The following SYN3 variants were observed in gnomAD, a reference collection of about 807,000 sequenced individuals.
SYN3 encodes the protein synapsin-3.
SYN3 carries 35 observed loss-of-function variants against 65.8 expected under a neutral mutation model. The observed-to-expected ratio is 0.53, with a 90% confidence interval of 0.41 to 0.70. The LOEUF (loss-of-function observed/expected upper bound fraction) is 0.70. Among genes scored for constraint, SYN3 ranks in the 30% least tolerant of loss-of-function variants. The probability of loss-of-function intolerance (pLI) is 0.00; values close to 1 mark genes in which losing one functional copy is unlikely to be tolerated. For missense variants in SYN3, 680 were observed against 749.0 expected, an observed-to-expected ratio of 0.91 and a Z score of 1.08; for synonymous variants, 270 against 292.9, an observed-to-expected ratio of 0.92 and a Z score of 0.80.
intron 6 of SYN3, among the ~76,000 whole-genome samples, chr22:32,748,518 T>C (rs957790833): frequency 1.3e-5 from 2 of 152,218 alleles, no homozygotes; most frequent in African/African-American, 2.4e-5. Flanking sequence ...CAGTAAAAAG[T>C]TGATCTTCCC....
chr22:32,565,856 G>A (rs767251051), intron 7 of SYN3, among the ~76,000 whole-genome samples: 1 of 151,968 alleles, frequency 6.6e-6, no homozygotes, highest in Non-Finnish European at 1.5e-5. Flanking sequence ...GCGACTACAG[G>A]CACCCACCAC....
intron 4 of SYN3, among the ~76,000 whole-genome samples, chr22:32,918,597 GA>G (rs56770301): frequency 0.092 from 14,039 of 152,082 alleles, 1,266 homozygotes; most frequent in East Asian, 0.43. Context: ...ATGTTTGAAG[GA>G]AAAAAAATGC....
chr22:32,934,258 CAG>C (rs1477042349), intron 3 of SYN3, among the ~76,000 whole-genome samples: 4 of 152,122 alleles, frequency 2.6e-5, no homozygotes, highest in Non-Finnish European at 5.9e-5. Flanking sequence ...GGGAGTGAAA[CAG>C]AATCTTGGAA....
At chr22:32,567,936 C>A (rs528272433) in intron 7 of SYN3, among the ~76,000 whole-genome samples, 1 of 152,308 alleles carries the variant, frequency 6.6e-6, no homozygotes, top group East Asian at 1.9e-4. Flanking sequence ...AGAGCCATGG[C>A]CATTTTATGC....
At chr22:33,036,993 G>C (rs1163871397) in intron 1 of SYN3, among the ~76,000 whole-genome samples, 2 of 152,070 alleles carry the variant, frequency 1.3e-5, no homozygotes. Context: ...GCCCGGCCAA[G>C]CCCAAGTTCC....
At chr22:33,057,203 T>C (rs903998348) in intron 1 of SYN3, among the ~76,000 whole-genome samples, 3 of 152,170 alleles carry the variant, frequency 2.0e-5, no homozygotes, top group Admixed American at 6.5e-5. Flanking sequence ...TCCCCAGAGC[T>C]GCCAGAGGGA....
At chr22:32,665,087 C>T (rs1175109303) in intron 6 of SYN3, among the ~76,000 whole-genome samples, 2 of 148,860 alleles carry the variant, frequency 1.3e-5, no homozygotes, top group African/African-American at 5.0e-5. Context: ...CAACCTCTGC[C>T]TCCTGGTTCA....
intron 6 of SYN3, among the ~76,000 whole-genome samples, chr22:32,685,559 C>A (rs951588047): frequency 2.0e-5 from 3 of 152,136 alleles, no homozygotes; most frequent in African/African-American, 7.2e-5. Flanking sequence ...GGTACCACTG[C>A]CTGCAGTATT....
chr22:33,017,380 C>T (rs185350763), intron 1 of SYN3, among the ~76,000 whole-genome samples: 1 of 152,196 alleles, frequency 6.6e-6, no homozygotes, highest in African/African-American at 2.4e-5. Context: ...TTTTGTGGTT[C>T]TATACAAATT....
At chr22:33,053,887 G>A (rs955142681) in intron 1 of SYN3, among the ~76,000 whole-genome samples, 4 of 152,158 alleles carry the variant, frequency 2.6e-5, no homozygotes, top group African/African-American at 7.2e-5. Flanking sequence ...TGCCTGCCAC[G>A]TGTGAATACT....
chr22:32,621,211 T>C (rs990982990), intron 6 of SYN3, among the ~76,000 whole-genome samples: 1 of 152,022 alleles, frequency 6.6e-6, no homozygotes, highest in Non-Finnish European at 1.5e-5. Context: ...CCACTTGTGT[T>C]AAATGATGGT....
At chr22:32,857,125 G>A (rs2048391437) in intron 6 of SYN3, 1 of 762,958 alleles carries the variant, frequency 1.3e-6, no homozygotes, top group East Asian at 2.6e-5. Context: ...CAACATGAGA[G>A]TGCAGACCCC....
At chr22:32,732,839 C>G (rs1168226839) in intron 6 of SYN3, among the ~76,000 whole-genome samples, 1 of 152,154 alleles carries the variant, frequency 6.6e-6, no homozygotes, top group Non-Finnish European at 1.5e-5. Context: ...AGGCAATGCA[C>G]TGGGGGTTTT....
At chr22:32,723,898 T>C (rs1442885754) in intron 6 of SYN3, among the ~76,000 whole-genome samples, 1 of 152,194 alleles carries the variant, frequency 6.6e-6, no homozygotes, top group African/African-American at 2.4e-5. Flanking sequence ...AACCTAGCCC[T>C]GGTGCTGCTG....
At chr22:32,909,561 G>A (rs557741184) in intron 4 of SYN3, among the ~76,000 whole-genome samples, 35 of 152,218 alleles carry the variant, frequency 2.3e-4, no homozygotes, top group African/African-American at 7.9e-4. Flanking sequence ...AATAAACAAC[G>A]TCTTCATCCA....
chr22:32,888,548 T>C (rs2049356312), intron 4 of SYN3, among the ~76,000 whole-genome samples: 1 of 152,222 alleles, frequency 6.6e-6, no homozygotes, highest in African/African-American at 2.4e-5. Flanking sequence ...TTATAATTTG[T>C]ATTTTCATTT....
At chr22:32,983,493 A>C (rs924035454) in intron 2 of SYN3, among the ~76,000 whole-genome samples, 6 of 152,214 alleles carry the variant, frequency 3.9e-5, no homozygotes, top group African/African-American at 1.4e-4. Flanking sequence ...ATCTCTTCCC[A>C]AAACTGACTG....
At chr22:32,674,116 C>G (rs2060408925) in intron 6 of SYN3, among the ~76,000 whole-genome samples, 1 of 151,710 alleles carries the variant, frequency 6.6e-6, no homozygotes, top group South Asian at 2.1e-4. Context: ...TGGAGGGCAG[C>G]CTAGATATGG....
At chr22:32,762,027 G>C (rs1056551858) in intron 6 of SYN3, among the ~76,000 whole-genome samples, 1 of 152,226 alleles carries the variant, frequency 6.6e-6, no homozygotes, top group Admixed American at 6.5e-5. Context: ...GCTTGGGTGG[G>C]TGATGGCATC....
Sources: gnomAD v4.1 joint callset for allele counts (sites outside exome capture counted in the v4.1 genomes callset) on GRCh38, gnomAD v4.1.1 for gene constraint, MANE v1.5 for transcripts, NCBI Gene and HGNC (gene_info 2026-07-23, HGNC 2026-07-21) for gene names.